FARS2: variants seen among roughly 807,000 people sequenced by gnomAD.
FARS2 encodes phenylalanyl-tRNA synthetase 2, mitochondrial, also known as phenylalanine--tRNA ligase, mitochondrial.
Under a neutral mutation model 46.4 loss-of-function variants are expected in FARS2, and 40 were observed. The observed-to-expected ratio is 0.86, with a 90% CI of 0.67 to 1.12. FARS2 has a LOEUF of 1.12. Among genes scored for constraint, FARS2 ranks in the 50% most tolerant of loss-of-function variants. The pLI is 0.00. For missense variants in FARS2, 513 were observed against 567.9 expected, an observed-to-expected ratio of 0.90 and a Z score of 0.98; for synonymous variants, 234 against 214.9, an observed-to-expected ratio of 1.09 and a Z score of -0.78.
chr6:5,424,542 T>C (rs1041394519), intron 3 of FARS2, among the ~76,000 whole-genome samples: 2 of 152,168 alleles, frequency 1.3e-5, no homozygotes, highest in Non-Finnish European at 2.9e-5. Flanking sequence ...CCGAATAAAG[T>C]ACACACTATG....
chr6:5,687,201 A>C (rs1022534855), intron 6 of FARS2, among the ~76,000 whole-genome samples: 124 of 152,242 alleles, frequency 8.1e-4, no homozygotes, highest in African/African-American at 2.7e-3. Context: ...TCTTTAGTTT[A>C]ATTAGATCCC....
At chr6:5,711,203 G>A (rs1220326553) in intron 6 of FARS2, among the ~76,000 whole-genome samples, 2 of 151,994 alleles carry the variant, frequency 1.3e-5, no homozygotes, top group Non-Finnish European at 2.9e-5. Flanking sequence ...CACGTAAGAA[G>A]CAAAATAAAC....
chr6:5,608,798 A>G (rs773226083), intron 5 of FARS2, among the ~76,000 whole-genome samples: 43 of 152,130 alleles, frequency 2.8e-4, no homozygotes, highest in Non-Finnish European at 5.4e-4. Context: ...TCCAAAAAGA[A>G]CCTGGCATCA....
chr6:5,345,309 T>C (rs1757158957), intron 1 of FARS2, among the ~76,000 whole-genome samples: 1 of 152,346 alleles, frequency 6.6e-6, no homozygotes, highest in Admixed American at 6.5e-5. Flanking sequence ...ATGTTCCTCT[T>C]TGATCTGCTA....
At chr6:5,283,376 A>C (rs1440998667) in intron 1 of FARS2, among the ~76,000 whole-genome samples, 1 of 112,404 alleles carries the variant, frequency 8.9e-6, no homozygotes, top group Admixed American at 8.7e-5. Context: ...TCCTGTCTCA[A>C]AAAAAAAAAA....
chr6:5,267,224 A>G (rs1765610941), intron 1 of FARS2, among the ~76,000 whole-genome samples: 2 of 151,512 alleles, frequency 1.3e-5, no homozygotes, highest in South Asian at 4.2e-4. Flanking sequence ...CATGCTACAA[A>G]CCCCGACCAC....
chr6:5,353,580 C>G (rs990063587), intron 1 of FARS2, among the ~76,000 whole-genome samples: 1 of 152,100 alleles, frequency 6.6e-6, no homozygotes, highest in Non-Finnish European at 1.5e-5. Flanking sequence ...TGTAGCCATT[C>G]TAACCGGGGC....
chr6:5,501,481 A>T (rs1451691665), intron 4 of FARS2, among the ~76,000 whole-genome samples: 2 of 151,554 alleles, frequency 1.3e-5, no homozygotes, highest in African/African-American at 4.8e-5. Context: ...TCATTTTTTT[A>T]TTTTATTTTA....
chr6:5,283,848 C>T (rs1766929337), intron 1 of FARS2, among the ~76,000 whole-genome samples: 1 of 152,092 alleles, frequency 6.6e-6, no homozygotes, highest in Non-Finnish European at 1.5e-5. Flanking sequence ...AATTTGTTTC[C>T]TGTCTTCAGC....
chr6:5,384,569 CTG>C (rs1408755864), intron 2 of FARS2, among the ~76,000 whole-genome samples: 1 of 152,150 alleles, frequency 6.6e-6, no homozygotes, highest in Non-Finnish European at 1.5e-5. Context: ...TGAGTAGCCT[CTG>C]TGATGTGTTC....
At chr6:5,759,758 C>T (rs1373855011) in intron 6 of FARS2, among the ~76,000 whole-genome samples, 3 of 152,088 alleles carry the variant, frequency 2.0e-5, no homozygotes, top group Admixed American at 6.5e-5. Flanking sequence ...AGGACACACT[C>T]GTCAGCTTAG....
At position 5,279,523 on chromosome 6, in the gene FARS2, TATAA is replaced by T. The variant is rs569685276; in HGVS notation, c.-22+17871_-22+17874del. Among the ~76,000 whole-genome samples, 406 of 150,390 alleles carry T rather than the reference TATAA, an allele frequency of 2.7e-3. 1 individual carries two copies. Among genetic ancestry groups the T allele is most frequent in the African/African-American group, 9.1e-3 (375 of 41,114 alleles). On this transcript the variant is annotated intron_variant, in intron 1 of 6. Transcript: ENST00000274680. ...TGTATTCGTTTGGCTAGTTTCTCTC[TATAA>T]ATAAATATAGAAAAAATAAAAAATA... is the stretch of plus-strand genomic sequence containing the variant.
At chr6:5,381,902 G>A (rs1361951064) in intron 2 of FARS2, among the ~76,000 whole-genome samples, 1 of 152,192 alleles carries the variant, frequency 6.6e-6, no homozygotes, top group East Asian at 1.9e-4. Flanking sequence ...TCTCTCCGAG[G>A]GCTGGGAGCA....
chr6:5,714,818 A>G (rs1582818288), intron 6 of FARS2, among the ~76,000 whole-genome samples: 1 of 152,108 alleles, frequency 6.6e-6, no homozygotes, highest in East Asian at 1.9e-4. Context: ...TGAGGTCAGG[A>G]GTTCGAGACC....
Position 5,391,502 on chromosome 6 carries a change from C to T in FARS2, c.613-13040C>T, listed in dbSNP as rs1760514002. Among the ~76,000 whole-genome samples the T allele has an allele frequency of 2.0e-5, 3 of 152,012 alleles. 1 individual carries two copies. In the South Asian group the frequency reaches 6.2e-4, roughly 32 times the overall value. On this transcript the variant is annotated intron_variant, in intron 2 of 6. Coordinates refer to ENST00000274680, the MANE Select transcript of FARS2 (RefSeq NM_006567.5). ...GTTATCAGTCACAGGAACTCAGAGTCAGGATAGATAAGTGTTTAGCATTAA... is the reference window on the plus strand; with the variant it reads ...GTTATCAGTCACAGGAACTCAGAGTTAGGATAGATAAGTGTTTAGCATTAA...
At chr6:5,466,412 C>G in intron 4 of FARS2, 5 of 487,258 alleles carry the variant, frequency 1.0e-5, no homozygotes, top group Non-Finnish European at 1.3e-5. Flanking sequence ...CCACTAGATG[C>G]TGAGCTCCTT....
At position 5,529,911 on chromosome 6, in the gene FARS2, A is replaced by G. The variant is rs143579378; in HGVS notation, c.905-15269A>G. On this transcript the variant is annotated intron_variant, in intron 4 of 6. Transcript: ENST00000274680. ...CCAAGCTAGCTGGTTGGATGATGTA[A>G]GAGAACCAAACTGCCCCAGCCAGCA... Among the ~76,000 whole-genome samples, 966 of 152,318 alleles carry G rather than the reference A, an allele frequency of 6.3e-3. 10 individuals are homozygous for G. Among genetic ancestry groups the G allele is most frequent in the African/African-American group, 0.022 (904 of 41,576 alleles).
At chr6:5,515,428 A>T (rs1259781579) in intron 4 of FARS2, among the ~76,000 whole-genome samples, 1 of 151,686 alleles carries the variant, frequency 6.6e-6, no homozygotes, top group African/African-American at 2.4e-5. Context: ...TTTTATTTTT[A>T]TTTTTATTTT....
chr6:5,527,284 G>T (rs1435179784), intron 4 of FARS2, among the ~76,000 whole-genome samples: 1 of 152,238 alleles, frequency 6.6e-6, no homozygotes, highest in Non-Finnish European at 1.5e-5. Context: ...TGACCCTGCC[G>T]TCCAACGGCA....
Sources: gnomAD v4.1 joint callset for allele counts (sites outside exome capture counted in the v4.1 genomes callset) on GRCh38, gnomAD v4.1.1 for gene constraint, MANE v1.5 for transcripts, NCBI Gene and HGNC (gene_info 2026-07-23, HGNC 2026-07-21) for gene names.